Variants in MTREX observed in about 807,000 individuals in gnomAD.
The protein encoded by MTREX is exosome RNA helicase MTR4.
A neutral mutation model predicts 135.4 loss-of-function variants in MTREX; 76 were observed. That is an observed-to-expected ratio of 0.56 (90% CI 0.47 to 0.68). The LOEUF is 0.68. MTREX is among the 30% of genes least tolerant of loss of function. The probability of loss-of-function intolerance (pLI) is 0.00; values close to 1 mark genes in which losing one functional copy is unlikely to be tolerated. For synonymous variants in MTREX, 404 were observed against 401.6 expected (o/e 1.01, Z -0.07); for missense variants, 920 against 1,262.1 (o/e 0.73, Z 4.11).
intron 18 of MTREX, among the ~76,000 whole-genome samples, chr5:55,385,206 G>C (rs1399225526): frequency 6.6e-6 from 1 of 152,130 alleles, no homozygotes; most frequent in African/African-American, 2.4e-5. Flanking sequence ...TAGAAGCAGG[G>C]GCATAGGTGG....
At position 55,335,730 on chromosome 5, in the gene MTREX, C is replaced by T. The variant is rs552495478; in HGVS notation, c.516-4280C>T. 5.9e-5 allele frequency among the ~76,000 whole-genome samples: 9 copies of T among 152,154 alleles called. No individual in the cohort carries two copies. The South Asian group carries it at 1.5e-3, about 25-fold the overall frequency. On this transcript the variant is annotated intron_variant, in intron 5 of 26. Transcript: ENST00000230640. ...AACTTCATTATTTTTAAAAACTGGG[C>T]ACTTCCAGGTCTTTTGTATTTCCAA...
intron 1 of MTREX, 128 bp from the exon 2 acceptor site, chr5:55,322,196 AGTT>A (rs1178256286): frequency 6.2e-6 from 4 of 650,170 alleles, no homozygotes; most frequent in Non-Finnish European, 9.6e-6. Context: ...GGCTTCAGCC[AGTT>A]GTTGTTTGTA....
chr5:55,387,240 A>T (rs1336602262), intron 18 of MTREX, among the ~76,000 whole-genome samples: 1 of 152,086 alleles, frequency 6.6e-6, no homozygotes, highest in South Asian at 2.1e-4. Context: ...CTTGTTAAAC[A>T]GTTGGTAGTT....
chr5:55,388,019 C>G lies in MTREX; in HGVS notation c.2098C>G (p.Leu700Val). 1 of 1,607,808 alleles carries G rather than the reference C, an allele frequency of 6.2e-7. No individual in the cohort carries two copies. Among genetic ancestry groups the G allele is most frequent in the Non-Finnish European group, 8.5e-7 (1 of 1,175,636 alleles). ...LDPLYVVEVL[L>V]RCSKESLKNS... is the part of the protein sequence containing the mutation. The stretch of plus-strand genomic sequence containing the variant: ...TCCTTTGTATGTAGTAGAAGTACTT[C>G]TGCGCTGTAGCAAAGAGAGCTTGAA... Residue 700 changes from leucine to valine, a missense_variant, in exon 19 of 27, where the codon CTG becomes GTG. Around this residue, in one of 6 missense-constraint regions of MTREX, gnomAD observed 467 missense variants for 589.7 expected, o/e 0.79. Coordinates refer to ENST00000230640, the MANE Select transcript of MTREX (RefSeq NM_015360.5).
intron 26 of MTREX, 29 bp from the exon 27 acceptor site, chr5:55,424,691 A>C (rs1178499337): frequency 6.4e-7 from 1 of 1,571,290 alleles, no homozygotes; most frequent in Non-Finnish European, 8.8e-7. Flanking sequence ...TGGTCTTGAA[A>C]GTTTAAACCT....
intron 5 of MTREX, among the ~76,000 whole-genome samples, chr5:55,334,099 A>G (rs890504466): frequency 2.6e-5 from 4 of 152,168 alleles, no homozygotes; most frequent in Admixed American, 6.5e-5. Context: ...GATTCCATTT[A>G]TGTGAAATAT....
intron 20 of MTREX, among the ~76,000 whole-genome samples, chr5:55,398,249 A>G (rs1483084214): frequency 7.0e-6 from 1 of 143,128 alleles, no homozygotes; most frequent in African/African-American, 2.6e-5. Context: ...CTTTTAAGAA[A>G]AAAAAAAAAA....
intron 25 of MTREX, among the ~76,000 whole-genome samples, chr5:55,418,524 C>T (rs1751007591): frequency 6.7e-6 from 1 of 150,364 alleles, no homozygotes; most frequent in Non-Finnish European, 1.5e-5. Context: ...TACTCAGGGG[C>T]TATTTCTACA....
intron 23 of MTREX, among the ~76,000 whole-genome samples, chr5:55,413,618 G>A (rs886756996): frequency 6.6e-6 from 1 of 152,122 alleles, no homozygotes; most frequent in Non-Finnish European, 1.5e-5. Context: ...TTCAGAAATT[G>A]ACAGAATTTT....
intron 25 of MTREX, among the ~76,000 whole-genome samples, chr5:55,418,815 C>T (rs1464484363): frequency 6.6e-6 from 1 of 151,542 alleles, no homozygotes; most frequent in Non-Finnish European, 1.5e-5. Context: ...CAAGAATAGC[C>T]ATTCCTTCCT....
chr5:55,346,580 G>A (rs1308284771), intron 10 of MTREX, among the ~76,000 whole-genome samples: 1 of 152,074 alleles, frequency 6.6e-6, no homozygotes, highest in Non-Finnish European at 1.5e-5. Context: ...CATTTCCCTG[G>A]TGGCTAATGA....
At chr5:55,392,165 G>A (rs1015161487) in intron 19 of MTREX, among the ~76,000 whole-genome samples, 2 of 152,122 alleles carry the variant, frequency 1.3e-5, no homozygotes, top group African/African-American at 4.8e-5. Flanking sequence ...TTTTAATTGT[G>A]TGTGGCCACC....
chr5:55,350,867 A>T, intron 12 of MTREX, 52 bp from the exon 13 acceptor site: 1 of 1,378,472 alleles, frequency 7.3e-7, no homozygotes, highest in Non-Finnish European at 1.0e-6. Context: ...TTAACATTTT[A>T]AAAATCCTTT....
Position 55,325,984 on chromosome 5 carries a change from C to G in MTREX, c.340-1732C>G, listed in dbSNP as rs191647708. ...ATTTATCTTTTAAAATATTTTTCTA[C>G]TGAAAGTCTCTTATGTTTCTTTAGA... On this transcript the variant is annotated intron_variant, in intron 3 of 26. Coordinates refer to ENST00000230640, the MANE Select transcript of MTREX (RefSeq NM_015360.5). 2.0e-5 allele frequency among the ~76,000 whole-genome samples: 3 copies of G among 152,266 alleles called. No homozygotes were observed. The East Asian group carries it at 5.8e-4, about 29-fold the overall frequency.
intron 21 of MTREX, among the ~76,000 whole-genome samples, chr5:55,404,905 G>A (rs1750778657): frequency 6.6e-6 from 1 of 151,304 alleles, no homozygotes; most frequent in Non-Finnish European, 1.5e-5. Flanking sequence ...CCGGGTTAAA[G>A]CAATTCTCCT....
chr5:55,375,487 C>T (rs1301066842), intron 16 of MTREX, among the ~76,000 whole-genome samples: 7 of 152,224 alleles, frequency 4.6e-5, no homozygotes, highest in Non-Finnish European at 1.0e-4. Flanking sequence ...CTGTTCTGCC[C>T]GGCTCACTGG....
At chr5:55,368,147 G>T (rs894237417) in intron 16 of MTREX, among the ~76,000 whole-genome samples, 3 of 152,144 alleles carry the variant, frequency 2.0e-5, no homozygotes, top group African/African-American at 7.2e-5. Flanking sequence ...CATTGATTCT[G>T]ACTTTTGAAG....
At chr5:55,397,357 T>C in intron 19 of MTREX, 59 bp from the exon 20 acceptor site, 1 of 1,075,964 alleles carries the variant, frequency 9.3e-7, no homozygotes, top group Non-Finnish European at 1.4e-6. Context: ...GTTTAGGAAA[T>C]AGTAGAATAT....
At chr5:55,358,450 T>G in intron 14 of MTREX, 123 bp from the exon 15 acceptor site, 2 of 828,814 alleles carry the variant, frequency 2.4e-6, no homozygotes, top group Admixed American at 3.6e-5. Context: ...CATGTTGTTT[T>G]TAATCATGTT....
Sources: allele counts gnomAD v4.1 joint callset (sites outside exome capture counted in the v4.1 genomes callset), GRCh38; gene constraint gnomAD v4.1.1; regional missense constraint gnomAD v4.1.1; transcripts MANE v1.5; gene names NCBI Gene and HGNC (gene_info 2026-07-23, HGNC 2026-07-21).